The following SPAG16 variants were observed in gnomAD, a reference collection of about 807,000 sequenced individuals.
SPAG16 encodes the protein sperm-associated antigen 16 protein.
A neutral mutation model predicts 80.4 loss-of-function variants in SPAG16; 86 were observed. The observed-to-expected ratio is 1.07, with a 90% confidence interval of 0.90 to 1.28. The LOEUF is 1.28. SPAG16 is among the 50% of genes most tolerant of loss of function. The probability of loss-of-function intolerance (pLI) is 0.00; values close to 1 mark genes in which losing one functional copy is unlikely to be tolerated. For missense variants in SPAG16, 870 were observed against 765.3 expected (o/e 1.14, Z -1.61); for synonymous variants, 294 against 265.9 (o/e 1.11, Z -1.03).
intron 13 of SPAG16, among the ~76,000 whole-genome samples, chr2:214,092,823 T>A (rs371306035): frequency 6.6e-6 from 1 of 152,080 alleles, no homozygotes; most frequent in African/African-American, 2.4e-5. Flanking sequence ...ATGGCAAGGC[T>A]GGAGGAGGAA....
intron 13 of SPAG16, among the ~76,000 whole-genome samples, chr2:214,076,718 T>C (rs1225286864): frequency 1.3e-5 from 2 of 152,176 alleles, no homozygotes; most frequent in Non-Finnish European, 2.9e-5. Context: ...CCTTGGGCTG[T>C]GATCGTGAGA....
chr2:213,731,061 A>G (rs917290123), intron 10 of SPAG16, among the ~76,000 whole-genome samples: 2 of 147,132 alleles, frequency 1.4e-5, no homozygotes, highest in Non-Finnish European at 3.0e-5. Flanking sequence ...ATTTTTGCAT[A>G]TTTTCTAGTT....
At chr2:214,406,133 C>T (rs1051263619) in intron 15 of SPAG16, among the ~76,000 whole-genome samples, 2 of 152,250 alleles carry the variant, frequency 1.3e-5, no homozygotes, top group Non-Finnish European at 2.9e-5. Flanking sequence ...TAATAAGCAG[C>T]ATGAATCTCA....
At chr2:214,065,880 A>T (rs1432236280) in intron 13 of SPAG16, among the ~76,000 whole-genome samples, 1 of 152,132 alleles carries the variant, frequency 6.6e-6, no homozygotes, top group Non-Finnish European at 1.5e-5. Context: ...CTTCTGTTTG[A>T]CCAGCTCCTC....
chr2:213,831,426 TA>T (rs2073653058), intron 10 of SPAG16, among the ~76,000 whole-genome samples: 2 of 144,568 alleles, frequency 1.4e-5, no homozygotes, highest in East Asian at 2.0e-4. Flanking sequence ...TTTTTTTTTT[TA>T]ACCTCATATT....
chr2:214,198,571 G>A (rs1389074984), intron 15 of SPAG16, among the ~76,000 whole-genome samples: 2 of 152,038 alleles, frequency 1.3e-5, no homozygotes, highest in African/African-American at 2.4e-5. Context: ...GTGTGTCCAC[G>A]TATCTTTTTC....
intron 10 of SPAG16, among the ~76,000 whole-genome samples, chr2:213,678,919 C>T (rs77915014): frequency 0.049 from 7,423 of 152,202 alleles, 592 homozygotes; most frequent in African/African-American, 0.17. Context: ...GTTCCTTTAC[C>T]TATAACTTCC....
intron 11 of SPAG16, among the ~76,000 whole-genome samples, chr2:213,929,507 C>T (rs115163818): frequency 0.01 from 1,549 of 152,324 alleles, 34 homozygotes; most frequent in African/African-American, 0.034. Context: ...TTCATCCAAA[C>T]TGCACTCCTG....
At chr2:213,567,317 G>T (rs1468263591) in intron 10 of SPAG16, among the ~76,000 whole-genome samples, 35 of 132,858 alleles carry the variant, frequency 2.6e-4, no homozygotes, top group Middle Eastern at 6.8e-3. Context: ...GTGCCATGCT[G>T]GTGCGCTGCA....
intron 14 of SPAG16, 67 bp downstream of exon 14, chr2:214,108,328 A>C: frequency 7.6e-7 from 1 of 1,315,812 alleles, no homozygotes; most frequent in Non-Finnish European, 1.1e-6. Context: ...TTTATAAAAC[A>C]AATTTCCAAG....
intron 13 of SPAG16, among the ~76,000 whole-genome samples, chr2:214,043,788 C>T (rs566032534): frequency 6.6e-6 from 1 of 151,958 alleles, no homozygotes; most frequent in African/African-American, 2.4e-5. Context: ...TATTAAATCC[C>T]TTTGAAGATT....
chr2:214,230,055 A>G lies in SPAG16; in HGVS notation c.1720+80789A>G, dbSNP rs1168397695. 3.3e-5 allele frequency among the ~76,000 whole-genome samples: 5 copies of G among 151,920 alleles called. No individual in the cohort carries two copies. In the East Asian group the frequency reaches 9.6e-4, roughly 29 times the overall value. On this transcript the variant is annotated intron_variant, in intron 15 of 15. Transcript: ENST00000331683. The stretch of plus-strand genomic sequence containing the variant: ...ATAGCAGATGGAGAAAAAATAGCTA[A>G]ATCGGAATGATTTCCCTAAATTTTC...
chr2:213,576,760 A>T lies in SPAG16; in HGVS notation c.1070+86670A>T, dbSNP rs74578207. Among the ~76,000 whole-genome samples, 911 of 152,208 alleles carry T rather than the reference A, an allele frequency of 6.0e-3. 5 individuals are homozygous for T. Among genetic ancestry groups the T allele is most frequent in the Admixed American group, 0.011 (170 of 15,264 alleles). ...ATAGTGCTTGTTCTCACTTAATGGG[A>T]GAACTAAATGATAAGTGGGAACTAA... On this transcript the variant is annotated intron_variant, in intron 10 of 15. Transcript: ENST00000331683.
At chr2:214,102,283 A>G (rs1473637230) in intron 13 of SPAG16, among the ~76,000 whole-genome samples, 1 of 152,224 alleles carries the variant, frequency 6.6e-6, no homozygotes, top group South Asian at 2.1e-4. Flanking sequence ...GCAGGAGACT[A>G]CAATAAATAA....
At chr2:213,822,881 C>T (rs933856588) in intron 10 of SPAG16, among the ~76,000 whole-genome samples, 2 of 152,180 alleles carry the variant, frequency 1.3e-5, no homozygotes, top group African/African-American at 4.8e-5. Context: ...CCAGCTTCAT[C>T]CATGTCCCTG....
intron 15 of SPAG16, among the ~76,000 whole-genome samples, chr2:214,231,413 C>G (rs1404870895): frequency 6.6e-6 from 1 of 151,788 alleles, no homozygotes; most frequent in Non-Finnish European, 1.5e-5. Context: ...ACTGAGACAA[C>G]CCATGATTTA....
At chr2:214,145,092 T>A (rs2055571175) in intron 14 of SPAG16, among the ~76,000 whole-genome samples, 1 of 152,074 alleles carries the variant, frequency 6.6e-6, no homozygotes, top group Non-Finnish European at 1.5e-5. Context: ...AGGAATACTA[T>A]TGGTTTATAA....
chr2:214,314,186 C>A (rs941189560), intron 15 of SPAG16, among the ~76,000 whole-genome samples: 1 of 152,190 alleles, frequency 6.6e-6, no homozygotes, highest in Admixed American at 6.5e-5. Flanking sequence ...TTGAGTTATA[C>A]TTTCTTAGAA....
intron 10 of SPAG16, among the ~76,000 whole-genome samples, chr2:213,720,040 A>G (rs1013143834): frequency 1.6e-4 from 25 of 152,302 alleles, no homozygotes; most frequent in African/African-American, 5.3e-4. Flanking sequence ...CTTTGCAGGG[A>G]TATGGATGAA....
Sources: gnomAD v4.1 joint callset for allele counts (sites outside exome capture counted in the v4.1 genomes callset) on GRCh38, gnomAD v4.1.1 for gene constraint, MANE v1.5 for transcripts, NCBI Gene and HGNC (gene_info 2026-07-23, HGNC 2026-07-21) for gene names.